LCORL: variants seen among roughly 807,000 people sequenced by gnomAD.
LCORL encodes ligand dependent nuclear receptor corepressor like.
A neutral mutation model predicts 141.8 loss-of-function variants in LCORL; 41 were observed. That is an observed-to-expected ratio of 0.29 (90% CI 0.23 to 0.38). LCORL has a LOEUF of 0.38. LCORL is among the 10% of genes least tolerant of loss of function. LCORL has a pLI of 1.00. For missense variants in LCORL, 1,759 were observed against 2,035.0 expected, an observed-to-expected ratio of 0.86 and a Z score of 2.61; for synonymous variants, 618 against 694.1, an observed-to-expected ratio of 0.89 and a Z score of 1.72.
At chr4:17,910,119 T>C (rs999653417) in intron 4 of LCORL, among the ~76,000 whole-genome samples, 22 of 152,222 alleles carry the variant, frequency 1.4e-4, no homozygotes, top group Non-Finnish European at 4.4e-5. Context: ...CAAGTACAAC[T>C]ATAATAAAGT....
chr4:17,884,155 G>T lies in LCORL; in HGVS notation c.776+1913C>A. 1.9e-6 allele frequency: 3 copies of T among 1,550,552 alleles called. No homozygotes were observed. Among genetic ancestry groups the T allele is most frequent in the Non-Finnish European group, 2.6e-6 (3 of 1,146,268 alleles). On this transcript the variant is annotated intron_variant, in intron 6 of 7. Coordinates refer to ENST00000635767, the Ensembl canonical transcript of LCORL. The surrounding 1 kb of genome is among the most constrained non-coding windows in gnomAD (Gnocchi z 4.4). ...AACATTCTATTTTGTTCTGTTTAGG[G>T]AGTATATTTTTCAGTTTTTGGAGAG...
At chr4:17,862,112 C>G (rs544702882) in intron 7 of LCORL, among the ~76,000 whole-genome samples, 3 of 152,168 alleles carry the variant, frequency 2.0e-5, no homozygotes, top group African/African-American at 7.2e-5. Flanking sequence ...TTCAGCAGCA[C>G]CCCACTCTTG....
At chr4:17,927,047 T>C (rs555494303) in intron 4 of LCORL, among the ~76,000 whole-genome samples, 1 of 152,366 alleles carries the variant, frequency 6.6e-6, no homozygotes, top group Non-Finnish European at 1.5e-5. Flanking sequence ...ATTAATACAT[T>C]GAAAATTTCT....
chr4:17,882,366 T>C (rs1159868274), intron 6 of LCORL: 53 of 983,876 alleles, frequency 5.4e-5, no homozygotes, highest in Non-Finnish European at 6.3e-5. Flanking sequence ...CTATTCTTTA[T>C]ATGAAGGCAT....
intron 6 of LCORL, chr4:17,881,446 GATT>G (rs1380465839): frequency 6.9e-6 from 6 of 873,516 alleles, no homozygotes; most frequent in Admixed American, 1.3e-4. Flanking sequence ...GTTATGGGTT[GATT>G]ATTACCTATA....
At chr4:17,879,960 T>C (rs937856930) in intron 6 of LCORL, among the ~76,000 whole-genome samples, 5 of 151,106 alleles carry the variant, frequency 3.3e-5, no homozygotes, top group Admixed American at 1.3e-4. Flanking sequence ...GTGTTAAGTA[T>C]TCTGAAACAA....
chr4:18,011,133 C>A (rs1723694317), intron 1 of LCORL, among the ~76,000 whole-genome samples: 1 of 152,156 alleles, frequency 6.6e-6, no homozygotes, highest in South Asian at 2.1e-4. Context: ...TGCCAGACCA[C>A]CTGACTCCCC....
At chr4:17,956,138 A>G (rs1712581590) in intron 4 of LCORL, among the ~76,000 whole-genome samples, 1 of 152,150 alleles carries the variant, frequency 6.6e-6, no homozygotes, top group African/African-American at 2.4e-5. Flanking sequence ...TAGACTGGGT[A>G]TTATAAAAAA....
intron 7 of LCORL, among the ~76,000 whole-genome samples, chr4:17,860,829 C>A (rs1322667366): frequency 6.6e-6 from 1 of 152,182 alleles, no homozygotes; most frequent in Non-Finnish European, 1.5e-5. Flanking sequence ...GGGCTAAAGG[C>A]CCCATGCAAT....
chr4:17,936,360 GAA>G (rs10646952), intron 4 of LCORL, among the ~76,000 whole-genome samples: 5 of 96,430 alleles, frequency 5.2e-5, no homozygotes, highest in Non-Finnish European at 6.9e-5. Context: ...GTCTCATAAT[GAA>G]AAAAAAAAAA....
At chr4:17,853,382 A>C (rs1723999252) in intron 7 of LCORL, among the ~76,000 whole-genome samples, 1 of 152,092 alleles carries the variant, frequency 6.6e-6, no homozygotes, top group Non-Finnish European at 1.5e-5. Flanking sequence ...TTAATGCATG[A>C]AGTTTCCTCA....
chr4:17,970,899 T>G (rs894056025), intron 2 of LCORL, among the ~76,000 whole-genome samples: 4 of 152,170 alleles, frequency 2.6e-5, no homozygotes, highest in African/African-American at 7.2e-5. Context: ...TCTATTTCCT[T>G]TATGGTTCTG....
At chr4:17,894,005 G>A (rs1044554940) in intron 5 of LCORL, among the ~76,000 whole-genome samples, 1 of 152,022 alleles carries the variant, frequency 6.6e-6, no homozygotes, top group South Asian at 2.1e-4. Flanking sequence ...CACCATGTTG[G>A]CCAGGCTGGT....
rs541615446 is a variant in LCORL, at chr4:18,021,689, G to C, written c.63C>G (p.Ala21=). The change falls in exon 1 of 8, where the codon GCC becomes GCG. Residue 21 remains alanine, a synonymous_variant. Coordinates refer to ENST00000635767, the Ensembl canonical transcript of LCORL. This position sits in a 1 kb window ranked among gnomAD's most constrained non-coding sequence, Gnocchi z 5.5. ...CGCACCGAGGGCTCCGGCACTGAGC[G>C]GCGGCGGCGGCGGCGGCAGCAGCGG... is the stretch of plus-strand genomic sequence containing the variant. The C allele has an allele frequency of 3.4e-6, 5 of 1,483,736 alleles. No homozygotes were observed. Among genetic ancestry groups the C allele is most frequent in the Non-Finnish European group, 3.6e-6 (4 of 1,114,362 alleles). The allele number at this position is 1,483,736 out of a possible 1,614,324, so 91.9% of individuals were successfully genotyped here.
chr4:17,938,185 T>C (rs1237110081), intron 4 of LCORL, among the ~76,000 whole-genome samples: 1 of 150,828 alleles, frequency 6.6e-6, no homozygotes, highest in Non-Finnish European at 1.5e-5. Context: ...TTTTGTATTT[T>C]TATTAGAGAT....
At chr4:17,931,384 G>A (rs915061661) in intron 4 of LCORL, among the ~76,000 whole-genome samples, 17 of 150,968 alleles carry the variant, frequency 1.1e-4, no homozygotes, top group African/African-American at 3.4e-4. Context: ...TTTACTTTGC[G>A]ATTTTTCTTA....
At chr4:17,922,859 A>T (rs1362422894) in intron 4 of LCORL, among the ~76,000 whole-genome samples, 1 of 152,198 alleles carries the variant, frequency 6.6e-6, no homozygotes, top group Non-Finnish European at 1.5e-5. Flanking sequence ...CCCCACTCCC[A>T]GTGGTGTCAA....
At chr4:17,846,775 A>T (rs1722986156) in intron 7 of LCORL, among the ~76,000 whole-genome samples, 1 of 151,958 alleles carries the variant, frequency 6.6e-6, no homozygotes, top group African/African-American at 2.4e-5. Flanking sequence ...CTTGCTCACC[A>T]CTCTGCTTAA....
chr4:17,850,659 A>T (rs1723552464), intron 7 of LCORL, among the ~76,000 whole-genome samples: 1 of 151,102 alleles, frequency 6.6e-6, no homozygotes, highest in Non-Finnish European at 1.5e-5. Flanking sequence ...GAGAAATAGG[A>T]ACACTTTGAC....
Sources: gnomAD v4.1 joint callset for allele counts (sites outside exome capture counted in the v4.1 genomes callset) on GRCh38, gnomAD v4.1.1 for gene constraint, Gnocchi (gnomAD v3.1) non-coding constraint, MANE v1.5 for transcripts, NCBI Gene and HGNC (gene_info 2026-07-23, HGNC 2026-07-21) for gene names.